The following DENND2A variants were observed in gnomAD, a reference collection of about 807,000 sequenced individuals.
The protein encoded by DENND2A is DENN domain containing 2A, also known as DENN domain-containing protein 2A.
Under a neutral mutation model 105.3 loss-of-function variants are expected in DENND2A, and 53 were observed. That is an observed-to-expected ratio of 0.50 (90% CI 0.40 to 0.63). DENND2A has a LOEUF of 0.63. Among genes scored for constraint, DENND2A ranks in the 30% least tolerant of loss-of-function variants. The pLI, the probability that DENND2A is intolerant of heterozygous loss-of-function variation, is 0.00. For missense variants in DENND2A, 1,138 were observed against 1,279.6 expected, an observed-to-expected ratio of 0.89 and a Z score of 1.69; for synonymous variants, 522 against 508.4, an observed-to-expected ratio of 1.03 and a Z score of -0.36.
intron 9 of DENND2A, among the ~76,000 whole-genome samples, chr7:140,565,669 AG>A (rs1394863066): frequency 1.3e-5 from 2 of 152,192 alleles, no homozygotes; most frequent in Non-Finnish European, 2.9e-5. Flanking sequence ...AAAGTGTCCC[AG>A]GTGTGTGAAC....
chr7:140,529,017 A>C (rs899929383), intron 14 of DENND2A, among the ~76,000 whole-genome samples: 1 of 151,866 alleles, frequency 6.6e-6, no homozygotes, highest in African/African-American at 2.4e-5. Flanking sequence ...AGGTGGGAGA[A>C]CTGCTTGAAC....
intron 5 of DENND2A, among the ~76,000 whole-genome samples, chr7:140,579,631 G>A (rs1321774850): frequency 6.6e-6 from 1 of 151,926 alleles, no homozygotes; most frequent in African/African-American, 2.4e-5. Context: ...GACCTCAGTT[G>A]ATTCGCCTGC....
chr7:140,567,031 A>G, intron 9 of DENND2A, 55 bp downstream of exon 9: 1 of 1,480,332 alleles, frequency 6.8e-7, no homozygotes, highest in Non-Finnish European at 9.0e-7. Flanking sequence ...CATGAGTCCC[A>G]ACAAGGTGAT....
In DENND2A at chr7:140,605,673, C is replaced by T. The variant is rs978031273; in HGVS notation, c.-146+32G>A. 5.9e-5 allele frequency: 9 copies of T among 152,026 alleles called. 1 individual carries two copies. Among genetic ancestry groups the T allele is most frequent in the South Asian group, 2.1e-4 (1 of 4,808 alleles). 9.4% of individuals were successfully genotyped at this position (152,026 alleles called of 1,614,324 possible). A position where few individuals can be genotyped will look rare whatever the true frequency, so the allele number is the denominator to read the frequency against. ...GTAGGAGAGTAAGAAGCTGGGTCAG[C>T]GTCTACACTCTCGGGGGAGAAGTGT... On this transcript the variant is annotated intron_variant, in intron 2 of 19. Coordinates refer to ENST00000496613, the MANE Select transcript of DENND2A (RefSeq NM_015689.5).
intron 5 of DENND2A, among the ~76,000 whole-genome samples, chr7:140,574,501 G>A (rs548306967): frequency 3.4e-4 from 52 of 152,174 alleles, no homozygotes; most frequent in African/African-American, 1.1e-3. Context: ...TTACAGGCAT[G>A]AGCCACCACA....
In DENND2A at chr7:140,559,202, C is replaced by T. The variant is rs1413646137; in HGVS notation, c.1889+506G>A. Among the ~76,000 whole-genome samples the T allele has an allele frequency of 1.3e-5, 2 of 152,104 alleles. No homozygotes were observed. Among genetic ancestry groups the T allele is most frequent in the African/African-American group, 4.8e-5 (2 of 41,420 alleles). On this transcript the variant is annotated intron_variant, in intron 10 of 19. Transcript: ENST00000496613. The surrounding 1 kb of genome is among the most constrained non-coding windows in gnomAD (Gnocchi z 4.1). ...GGGCATGGTCTGTACAGGGCAGCCC[C>T]GGGGCTTGGACGGTCCTTAAAGACT...
chr7:140,547,923 T>C (rs1217157288), intron 12 of DENND2A, among the ~76,000 whole-genome samples: 2 of 152,100 alleles, frequency 1.3e-5, no homozygotes, highest in Non-Finnish European at 2.9e-5. Context: ...ATGTCCAGAA[T>C]AGAAAAATCC....
At chr7:140,556,772 G>A (rs1247017335) in intron 11 of DENND2A, among the ~76,000 whole-genome samples, 1 of 151,990 alleles carries the variant, frequency 6.6e-6, no homozygotes. Flanking sequence ...TATGTGCCAC[G>A]CATTATACTT....
In DENND2A at chr7:140,522,261, C is replaced by T. The variant is rs1795887585; in HGVS notation, c.2666-161G>A. Reference sequence around the variant, plus strand: ...GGTTACCCAGGTTATTAAGACATTTCTTTCCATGCTTAATTTTTTAAATTT... The same window carrying T: ...GGTTACCCAGGTTATTAAGACATTTTTTTCCATGCTTAATTTTTTAAATTT... On this transcript the variant is annotated intron_variant, in intron 17 of 19. Coordinates refer to ENST00000496613, the MANE Select transcript of DENND2A (RefSeq NM_015689.5). Among the ~76,000 whole-genome samples the T allele has an allele frequency of 2.0e-5, 3 of 152,186 alleles. No individual in the cohort carries two copies. The South Asian group carries it at 6.2e-4, about 31-fold the overall frequency.
chr7:140,538,033 C>T (rs1190576216), intron 14 of DENND2A, among the ~76,000 whole-genome samples: 10 of 152,188 alleles, frequency 6.6e-5, no homozygotes, highest in Non-Finnish European at 1.5e-4. Flanking sequence ...CTGTCAAACT[C>T]TTGCTTGACA....
intron 18 of DENND2A, 121 bp downstream of exon 18, chr7:140,521,734 G>T: frequency 6.7e-7 from 1 of 1,490,468 alleles, no homozygotes; most frequent in South Asian, 1.3e-5. Flanking sequence ...CAAGCTCTCT[G>T]GGGGAGATGG....
intron 5 of DENND2A, among the ~76,000 whole-genome samples, chr7:140,578,987 T>C (rs1222114061): frequency 1.3e-5 from 2 of 151,848 alleles, no homozygotes. Context: ...TTTCTAAAAA[T>C]AAATTAGGCT....
intron 14 of DENND2A, among the ~76,000 whole-genome samples, chr7:140,535,415 C>T (rs189378701): frequency 7.0e-4 from 107 of 152,182 alleles, no homozygotes; most frequent in African/African-American, 2.2e-3. Context: ...CAGTTGAAAA[C>T]GAACACAGGC....
intron 1 of DENND2A, among the ~76,000 whole-genome samples, chr7:140,624,250 C>T (rs1202472696): frequency 1.3e-5 from 2 of 152,194 alleles, no homozygotes; most frequent in African/African-American, 4.8e-5. Flanking sequence ...GCCTCAGCAG[C>T]TCTCCCCTTG....
intron 1 of DENND2A, among the ~76,000 whole-genome samples, chr7:140,629,045 G>A (rs993996035): frequency 3.3e-5 from 5 of 152,106 alleles, no homozygotes; most frequent in African/African-American, 1.2e-4. Context: ...TGTTCAAAAC[G>A]GAAAGACAAG....
intron 14 of DENND2A, among the ~76,000 whole-genome samples, chr7:140,539,901 G>A (rs558830179): frequency 6.6e-6 from 1 of 152,374 alleles, no homozygotes; most frequent in Non-Finnish European, 1.5e-5. Flanking sequence ...GGGCAGCGGG[G>A]AGAGCATGTG....
At position 140,602,284 on chromosome 7, in the gene DENND2A, T is replaced by C; in HGVS notation, c.114A>G (p.Arg38=). Residue 38 remains arginine (R), a synonymous_variant, in exon 3 of 20, where the codon AGA becomes AGG. Coordinates refer to ENST00000496613, the MANE Select transcript of DENND2A (RefSeq NM_015689.5). ...TTATGTTGAGGGACTTGTGCCGGGG[T>C]CTGGCTCTGGCAGATGGGCAAGGGT... ...VQNPCPSARA[R]PRHKSLNIKD... 1 of 1,610,336 alleles carries C rather than the reference T, an allele frequency of 6.2e-7. No homozygotes were observed. The highest frequency in any genetic ancestry group is 8.5e-7 in the Non-Finnish European group (1 of 1,179,974).
chr7:140,530,253 T>C (rs147977731), intron 14 of DENND2A, among the ~76,000 whole-genome samples: 1 of 152,252 alleles, frequency 6.6e-6, no homozygotes, highest in Non-Finnish European at 1.5e-5. Flanking sequence ...TTGTTGTACA[T>C]GATAAATATA....
intron 9 of DENND2A, among the ~76,000 whole-genome samples, chr7:140,561,532 C>G (rs1236899556): frequency 8.0e-6 from 1 of 124,790 alleles, no homozygotes; most frequent in Non-Finnish European, 1.6e-5. Flanking sequence ...GACAGTCTCA[C>G]TATGTCGCCC....
Sources: gnomAD v4.1 joint callset for allele counts (sites outside exome capture counted in the v4.1 genomes callset) on GRCh38, gnomAD v4.1.1 for gene constraint, Gnocchi (gnomAD v3.1) non-coding constraint, MANE v1.5 for transcripts, NCBI Gene and HGNC (gene_info 2026-07-23, HGNC 2026-07-21) for gene names.